CDH18: variants seen among roughly 807,000 people sequenced by gnomAD.
CDH18 encodes cadherin 18.
CDH18 carries 31 observed loss-of-function variants against 67.9 expected under a neutral mutation model. The observed-to-expected ratio is 0.46, with a 90% confidence interval of 0.34 to 0.62. The LOEUF is 0.62. CDH18 is among the 20% of genes least tolerant of loss of function. The pLI, the probability that CDH18 is intolerant of heterozygous loss-of-function variation, is 0.01. For synonymous variants in CDH18, 362 were observed against 347.2 expected (o/e 1.04, Z -0.48); for missense variants, 890 against 975.5 (o/e 0.91, Z 1.17).
intron 1 of CDH18, among the ~76,000 whole-genome samples, chr5:20,501,549 TATATATAA>T (rs1754281041): frequency 1.2e-4 from 3 of 25,686 alleles, no homozygotes; most frequent in East Asian, 7.1e-3. Context: ...ATACATATTA[TATATATAA>T]TATATATATA....
intron 2 of CDH18, among the ~76,000 whole-genome samples, chr5:20,231,015 C>G (rs1742026206): frequency 6.6e-6 from 1 of 152,144 alleles, no homozygotes; most frequent in Admixed American, 6.5e-5. Flanking sequence ...CAGGGCCCAA[C>G]AAGTTATTTG....
chr5:19,549,709 GAA>G (rs1441686980), intron 8 of CDH18, among the ~76,000 whole-genome samples: 1 of 140,770 alleles, frequency 7.1e-6, no homozygotes, highest in Non-Finnish European at 1.5e-5. Flanking sequence ...AAGAAAGAAA[GAA>G]AGGAAGAAAG....
chr5:19,501,460 G>A (rs543067675), intron 11 of CDH18, among the ~76,000 whole-genome samples: 29 of 130,994 alleles, frequency 2.2e-4, no homozygotes, highest in African/African-American at 8.0e-4. Flanking sequence ...AAACAAACAA[G>A]CAAACAAAAA....
At chr5:19,606,469 T>C (rs553420849) in intron 6 of CDH18, among the ~76,000 whole-genome samples, 8 of 152,184 alleles carry the variant, frequency 5.3e-5, no homozygotes, top group Non-Finnish European at 8.8e-5. Context: ...CAGATACCAA[T>C]AATCTTTATC....
At chr5:19,972,485 A>C (rs905123532) in intron 2 of CDH18, among the ~76,000 whole-genome samples, 4 of 152,068 alleles carry the variant, frequency 2.6e-5, no homozygotes, top group Admixed American at 1.3e-4. Context: ...AAAGTGGCAA[A>C]TTAAAACAAT....
At chr5:20,095,464 A>G (rs28719774) in intron 2 of CDH18, among the ~76,000 whole-genome samples, 2,897 of 129,136 alleles carry the variant, frequency 0.022, 57 homozygotes, top group African/African-American at 0.042. Flanking sequence ...AAGAAAGAAG[A>G]AAGAAGGAAG....
chr5:19,640,894 T>C (rs1031832452), intron 5 of CDH18, among the ~76,000 whole-genome samples: 7 of 151,816 alleles, frequency 4.6e-5, no homozygotes, highest in African/African-American at 1.4e-4. Context: ...TCATCAGAAC[T>C]AAATTAGTTT....
intron 1 of CDH18, among the ~76,000 whole-genome samples, chr5:20,334,093 C>G (rs1464921712): frequency 6.8e-6 from 1 of 146,908 alleles, no homozygotes; most frequent in Non-Finnish European, 1.5e-5. Flanking sequence ...ATAAAATAGT[C>G]ATTACTGTAT....
intron 1 of CDH18, among the ~76,000 whole-genome samples, chr5:19,985,029 T>G (rs1799418700): frequency 6.6e-6 from 1 of 152,160 alleles, no homozygotes; most frequent in Non-Finnish European, 1.5e-5. Flanking sequence ...TATCTTTATT[T>G]ATTTATTATT....
intron 1 of CDH18, among the ~76,000 whole-genome samples, chr5:20,505,960 C>G (rs1474530514): frequency 6.6e-6 from 1 of 151,936 alleles, no homozygotes; most frequent in Non-Finnish European, 1.5e-5. Context: ...TATGCCTGGT[C>G]CCTGTGGCTT....
intron 12 of CDH18, 89 bp from the exon 13 acceptor site, chr5:19,473,805 T>G: frequency 8.7e-7 from 1 of 1,145,252 alleles, no homozygotes. Context: ...CATTTTCCCA[T>G]TCGTCATTAA....
At chr5:20,407,154 C>G (rs551119044) in intron 1 of CDH18, among the ~76,000 whole-genome samples, 1 of 152,190 alleles carries the variant, frequency 6.6e-6, no homozygotes, top group African/African-American at 2.4e-5. Flanking sequence ...CTTGCCACAG[C>G]TATCTGGCTA....
intron 1 of CDH18, among the ~76,000 whole-genome samples, chr5:20,365,634 A>G (rs993537079): frequency 5.9e-5 from 9 of 152,200 alleles, no homozygotes; most frequent in African/African-American, 2.2e-4. Context: ...TAAAATAAAT[A>G]TTCCTATTAA....
intron 5 of CDH18, among the ~76,000 whole-genome samples, chr5:19,653,453 G>GA (rs1755866942): frequency 6.6e-6 from 1 of 151,984 alleles, no homozygotes; most frequent in African/African-American, 2.4e-5. Flanking sequence ...TATCCTTGCT[G>GA]AATCTTTCTC....
At chr5:20,118,133 A>C (rs183031019) in intron 2 of CDH18, among the ~76,000 whole-genome samples, 2 of 152,330 alleles carry the variant, frequency 1.3e-5, no homozygotes, top group East Asian at 3.9e-4. Flanking sequence ...TATATCAGCA[A>C]GTTTAATAAG....
At chr5:19,934,035 T>C (rs11959205) in intron 2 of CDH18, among the ~76,000 whole-genome samples, 10,182 of 151,338 alleles carry the variant, frequency 0.067, 947 homozygotes, top group East Asian at 0.21. Flanking sequence ...CCAGTTCCGG[T>C]AGTTCCAAAA....
intron 1 of CDH18, among the ~76,000 whole-genome samples, chr5:20,463,004 TA>T (rs1751379278): frequency 3.3e-5 from 5 of 152,202 alleles, no homozygotes; most frequent in Admixed American, 2.0e-4. Flanking sequence ...GTGCAGTTTT[TA>T]AAACATAGTT....
At chr5:20,208,162 T>C (rs1017333714) in intron 2 of CDH18, among the ~76,000 whole-genome samples, 3 of 152,092 alleles carry the variant, frequency 2.0e-5, no homozygotes, top group African/African-American at 4.8e-5. Context: ...CCTCAGGAAC[T>C]TACAACCATG....
intron 2 of CDH18, among the ~76,000 whole-genome samples, chr5:19,978,757 T>C (rs1256945215): frequency 6.6e-6 from 1 of 152,174 alleles, no homozygotes; most frequent in Non-Finnish European, 1.5e-5. Context: ...CCTTCTCACA[T>C]GATCACTGTG....
Sources: allele counts gnomAD v4.1 joint callset (sites outside exome capture counted in the v4.1 genomes callset), GRCh38; gene constraint gnomAD v4.1.1; transcripts MANE v1.5; gene names NCBI Gene and HGNC (gene_info 2026-07-23, HGNC 2026-07-21).